The following DDAH1 variants were observed in gnomAD, a reference collection of about 807,000 sequenced individuals.
DDAH1 encodes N(G),N(G)-dimethylarginine dimethylaminohydrolase 1.
DDAH1 carries 19 observed loss-of-function variants against 28.8 expected under a neutral mutation model. The ratio of observed to expected loss-of-function variants is 0.66; its 90% CI spans 0.46 to 0.97. The LOEUF (loss-of-function observed/expected upper bound fraction) is 0.97. DDAH1 is among the 50% of genes least tolerant of loss of function. The probability of loss-of-function intolerance (pLI) is 0.00; values close to 1 mark genes in which losing one functional copy is unlikely to be tolerated. For synonymous variants in DDAH1, 153 were observed against 154.4 expected (o/e 0.99, Z 0.07); for missense variants, 326 against 375.9 (o/e 0.87, Z 1.10).
intron 1 of DDAH1, among the ~76,000 whole-genome samples, chr1:85,377,774 T>G (rs915403207): frequency 6.6e-6 from 1 of 151,638 alleles, no homozygotes; most frequent in Non-Finnish European, 1.5e-5. Context: ...GTAATCCATT[T>G]GATGACTGAA....
At chr1:85,515,353 T>G (rs1390296336) in intron 1 of DDAH1, among the ~76,000 whole-genome samples, 1 of 136,020 alleles carries the variant, frequency 7.4e-6, no homozygotes, top group African/African-American at 2.8e-5. Context: ...AAGTTCCCAG[T>G]TTGAGAACCT....
chr1:85,328,440 T>C (rs1027554728), intron 4 of DDAH1, among the ~76,000 whole-genome samples: 3 of 152,180 alleles, frequency 2.0e-5, no homozygotes, highest in Admixed American at 6.5e-5. Context: ...TTGTGAAACT[T>C]CTAGACAATA....
intron 1 of DDAH1, among the ~76,000 whole-genome samples, chr1:85,540,501 T>C (rs938508642): frequency 6.6e-6 from 1 of 152,222 alleles, no homozygotes; most frequent in Non-Finnish European, 1.5e-5. Flanking sequence ...CTACTCTTTG[T>C]ATCTTGTGCT....
chr1:85,524,278 T>C (rs1206086244), intron 1 of DDAH1, among the ~76,000 whole-genome samples: 2 of 89,116 alleles, frequency 2.2e-5, no homozygotes, highest in African/African-American at 8.1e-5. Context: ...ACTTGGATTA[T>C]CCCAGGGTGC....
chr1:85,437,092 C>A (rs1358050097), intron 1 of DDAH1, among the ~76,000 whole-genome samples: 1 of 152,158 alleles, frequency 6.6e-6, no homozygotes, highest in Non-Finnish European at 1.5e-5. Flanking sequence ...AAAGACAATG[C>A]AGCTTCCACC....
At chr1:85,451,028 C>T (rs1471543919) in intron 1 of DDAH1, among the ~76,000 whole-genome samples, 1 of 152,142 alleles carries the variant, frequency 6.6e-6, no homozygotes, top group African/African-American at 2.4e-5. Context: ...GGCCAGTGCC[C>T]ACAAGAGACC....
At chr1:85,349,301 C>G (rs914647228) in intron 4 of DDAH1, among the ~76,000 whole-genome samples, 1 of 152,166 alleles carries the variant, frequency 6.6e-6, no homozygotes, top group Non-Finnish European at 1.5e-5. Context: ...GGAAGAAAGG[C>G]CAGGTGAGCT....
At chr1:85,402,199 A>C (rs1286800323) in intron 1 of DDAH1, among the ~76,000 whole-genome samples, 1 of 56,762 alleles carries the variant, frequency 1.8e-5, no homozygotes, top group Non-Finnish European at 3.8e-5. Flanking sequence ...ACAGGGTCTC[A>C]CTACGTAGCC....
intron 1 of DDAH1, among the ~76,000 whole-genome samples, chr1:85,410,598 C>T (rs1652608607): frequency 6.9e-6 from 1 of 144,266 alleles, no homozygotes; most frequent in South Asian, 2.1e-4. Flanking sequence ...GAGATGGCAC[C>T]ATTGCACTCC....
chr1:85,362,372 A>G lies in DDAH1; in HGVS notation c.304-3525T>C, dbSNP rs534013821. ...TCAGCTAAGATGATATGGAATGATC[A>G]TGGTCACTGAGAATATTACCACTCT... On this transcript the variant is annotated intron_variant, in intron 1 of 5. Coordinates refer to ENST00000284031, the MANE Select transcript of DDAH1 (RefSeq NM_012137.4). Among the ~76,000 whole-genome samples the G allele has an allele frequency of 2.6e-5, 4 of 152,322 alleles. No individual in the cohort carries two copies. In the South Asian group the frequency reaches 8.3e-4, roughly 32 times the overall value.
At chr1:85,457,611 G>A (rs540985795) in intron 1 of DDAH1, among the ~76,000 whole-genome samples, 7 of 152,244 alleles carry the variant, frequency 4.6e-5, no homozygotes, top group African/African-American at 1.2e-4. Context: ...CATTTTTCAC[G>A]CAATCATGGC....
intron 4 of DDAH1, among the ~76,000 whole-genome samples, chr1:85,325,822 A>G (rs1047456350): frequency 1.3e-5 from 2 of 152,194 alleles, no homozygotes; most frequent in Non-Finnish European, 2.9e-5. Context: ...AAAACCCACA[A>G]AAACAAATAT....
intron 1 of DDAH1, among the ~76,000 whole-genome samples, chr1:85,394,826 G>A (rs1651730862): frequency 1.3e-5 from 2 of 152,164 alleles, no homozygotes; most frequent in Admixed American, 1.3e-4. Context: ...AAAGTCATAT[G>A]ATTAAGTAAC....
chr1:85,500,604 T>C (rs1036503884), intron 1 of DDAH1, among the ~76,000 whole-genome samples: 2 of 152,076 alleles, frequency 1.3e-5, no homozygotes, highest in African/African-American at 4.8e-5. Flanking sequence ...GGTTAATATT[T>C]TTCACCAAAT....
intron 1 of DDAH1, among the ~76,000 whole-genome samples, chr1:85,566,013 G>A (rs1181158827): frequency 4.0e-5 from 6 of 151,658 alleles, no homozygotes; most frequent in African/African-American, 7.3e-5. Context: ...CCCAGTAGGC[G>A]GAGGTTGCAG....
In DDAH1 at chr1:85,464,490, A is replaced by C; in HGVS notation, c.303+253T>G. Reference sequence around the variant, plus strand: ...GCCCGTGAGACGGAATCCCCCGCCCACCCACCTGCCCGAGACCGTACAACC... The same window carrying C: ...GCCCGTGAGACGGAATCCCCCGCCCCCCCACCTGCCCGAGACCGTACAACC... On this transcript the variant is annotated intron_variant, in intron 1 of 5. Coordinates refer to ENST00000284031, the MANE Select transcript of DDAH1 (RefSeq NM_012137.4). This position sits in a 1 kb window ranked among gnomAD's most constrained non-coding sequence, Gnocchi z 4.4. The C allele has an allele frequency of 8.2e-6, 12 of 1,465,508 alleles. No individual in the cohort carries two copies. Among genetic ancestry groups the C allele is most frequent in the East Asian group, 2.8e-5 (1 of 35,412 alleles). The allele number at this position is 1,465,508 out of a possible 1,614,324, so 90.8% of individuals were successfully genotyped here. A position where few individuals can be genotyped will look rare whatever the true frequency, so the allele number is the denominator to read the frequency against.
chr1:85,324,923 C>T, intron 4 of DDAH1, 40 bp from the exon 5 acceptor site: 1 of 1,605,694 alleles, frequency 6.2e-7, no homozygotes, highest in East Asian at 2.2e-5. Flanking sequence ...AGAGTAACTC[C>T]CCACACTTTC....
intron 2 of DDAH1, among the ~76,000 whole-genome samples, chr1:85,352,429 G>A (rs552070912): frequency 4.3e-4 from 66 of 152,252 alleles, no homozygotes; most frequent in African/African-American, 1.5e-3. Context: ...TTGTAATAAA[G>A]CATCCAATAA....
chr1:85,321,399 G>T lies in DDAH1; in HGVS notation c.*53C>A. The T allele has an allele frequency of 8.9e-7, 1 of 1,125,146 alleles. No individual in the cohort carries two copies. The highest frequency in any genetic ancestry group is 1.4e-6 in the Non-Finnish European group (1 of 735,370). 69.7% of individuals were successfully genotyped at this position (1,125,146 alleles called of 1,614,324 possible). On this transcript the variant is annotated 3_prime_UTR_variant, in exon 6 of 6. Coordinates refer to ENST00000284031, the MANE Select transcript of DDAH1 (RefSeq NM_012137.4). Reference sequence around the variant, plus strand: ...GGAAAACAACAGGAGTGGGCACAGAGTCATCGGCCTTGCCTGTGCGGTCTT... The same window carrying T: ...GGAAAACAACAGGAGTGGGCACAGATTCATCGGCCTTGCCTGTGCGGTCTT...
Sources: gnomAD v4.1 joint callset for allele counts (sites outside exome capture counted in the v4.1 genomes callset) on GRCh38, gnomAD v4.1.1 for gene constraint, Gnocchi (gnomAD v3.1) non-coding constraint, MANE v1.5 for transcripts, NCBI Gene and HGNC (gene_info 2026-07-23, HGNC 2026-07-21) for gene names.